Variants in KAZN observed in about 807,000 individuals in gnomAD.
KAZN encodes the protein kazrin, periplakin interacting protein.
Under a neutral mutation model 87.4 loss-of-function variants are expected in KAZN, and 40 were observed. The ratio of observed to expected loss-of-function variants is 0.46; its 90% confidence interval spans 0.36 to 0.60. The LOEUF (loss-of-function observed/expected upper bound fraction) is 0.60, where lower values mean the gene tolerates loss of function less well. Ranked by LOEUF, KAZN falls within the 20% of genes least tolerant of loss-of-function variation. The probability of loss-of-function intolerance (pLI) is 0.00; values close to 1 mark genes in which losing one functional copy is unlikely to be tolerated. For missense variants in KAZN, 898 were observed against 1,073.9 expected, an observed-to-expected ratio of 0.84 and a Z score of 2.29; for synonymous variants, 466 against 458.3, an observed-to-expected ratio of 1.02 and a Z score of -0.22.
intron 2 of KAZN, among the ~76,000 whole-genome samples, chr1:14,195,511 T>TCGCTCA (rs71570187): frequency 6.8e-6 from 1 of 146,090 alleles, no homozygotes; most frequent in Non-Finnish European, 1.5e-5. Context: ...CAAAAACGGC[T>TCGCTCA]CACACACACA....
In KAZN at chr1:14,400,953, T is replaced by C. The variant is rs79411226; in HGVS notation, c.250-198030T>C. 9.6e-3 allele frequency among the ~76,000 whole-genome samples: 1,464 copies of C among 152,354 alleles called. 18 individuals are homozygous for C. The highest frequency in any genetic ancestry group is 0.033 in the African/African-American group (1,380 of 41,584). On this transcript the variant is annotated intron_variant, in intron 2 of 16. Coordinates refer to the KAZN transcript ENST00000636203. Reference sequence around the variant, plus strand: ...AGCAATGATGTTATATAGATATTCATATGACAAATGTGTGCTGGACATCTA... The same window carrying C: ...AGCAATGATGTTATATAGATATTCACATGACAAATGTGTGCTGGACATCTA...
chr1:14,881,071 C>T (rs551633096), intron 1 of KAZN, among the ~76,000 whole-genome samples: 1 of 152,202 alleles, frequency 6.6e-6, no homozygotes, highest in Non-Finnish European at 1.5e-5. Flanking sequence ...GCACAGGATC[C>T]ATTCTTGGAG....
intron 2 of KAZN, among the ~76,000 whole-genome samples, chr1:14,186,724 G>T (rs773177191): frequency 9.2e-5 from 14 of 152,176 alleles, no homozygotes; most frequent in Non-Finnish European, 1.3e-4. Context: ...AAGAGGAGTA[G>T]ATGCTGGCAG....
At chr1:14,123,724 C>T (rs1389500226) in intron 1 of KAZN, among the ~76,000 whole-genome samples, 2 of 152,192 alleles carry the variant, frequency 1.3e-5, no homozygotes, top group African/African-American at 4.8e-5. Context: ...TTCTATTTCT[C>T]TGAGATCAAT....
At chr1:15,041,331 C>CTTTTTTTTTTTTTTTTTTT (rs71000360) in intron 3 of KAZN, among the ~76,000 whole-genome samples, 136 of 114,112 alleles carry the variant, frequency 1.2e-3, no homozygotes, top group African/African-American at 1.6e-3. Context: ...CATTTTTTTT[C>CTTTTTTTTTTTTTTTTTTT]TTTTTTTTTT....
At chr1:14,747,181 A>G (rs569015672) in intron 1 of KAZN, among the ~76,000 whole-genome samples, 1 of 152,332 alleles carries the variant, frequency 6.6e-6, no homozygotes, top group Admixed American at 6.5e-5. Flanking sequence ...CCTTTTGAAG[A>G]CTGAATAATA....
At chr1:14,921,709 G>C (rs1040938195) in intron 1 of KAZN, among the ~76,000 whole-genome samples, 6 of 152,108 alleles carry the variant, frequency 3.9e-5, no homozygotes, top group Non-Finnish European at 8.8e-5. Flanking sequence ...TTTTGTTGTT[G>C]TTCTTGTTTG....
intron 2 of KAZN, among the ~76,000 whole-genome samples, chr1:14,475,636 C>T (rs900292865): frequency 1.3e-5 from 2 of 152,186 alleles, no homozygotes; most frequent in African/African-American, 4.8e-5. Flanking sequence ...GTGTTATAAA[C>T]TATTCAGTAT....
chr1:14,413,615 A>C (rs992158268), intron 2 of KAZN, among the ~76,000 whole-genome samples: 10 of 150,918 alleles, frequency 6.6e-5, no homozygotes, highest in Non-Finnish European at 1.2e-4. Flanking sequence ...AAAAAAAAAA[A>C]AAAACGCATT....
intron 1 of KAZN, among the ~76,000 whole-genome samples, chr1:14,707,429 C>T (rs1348061744): frequency 6.6e-6 from 1 of 152,184 alleles, no homozygotes; most frequent in Non-Finnish European, 1.5e-5. Context: ...TGTCCTGTCC[C>T]GAGAGCTGCA....
At chr1:14,174,924 G>A (rs1030694643) in intron 1 of KAZN, among the ~76,000 whole-genome samples, 1 of 152,106 alleles carries the variant, frequency 6.6e-6, no homozygotes, top group Non-Finnish European at 1.5e-5. Context: ...GCTTGGGCAC[G>A]GTCTAGCTCG....
At chr1:14,129,251 T>A (rs1158875375) in intron 1 of KAZN, among the ~76,000 whole-genome samples, 1 of 152,212 alleles carries the variant, frequency 6.6e-6, no homozygotes, top group Non-Finnish European at 1.5e-5. Flanking sequence ...GGAGGCCAGA[T>A]AATACAGAAG....
At chr1:14,841,689 AC>A (rs1430133062) in intron 1 of KAZN, among the ~76,000 whole-genome samples, 4 of 152,120 alleles carry the variant, frequency 2.6e-5, no homozygotes, top group Non-Finnish European at 5.9e-5. Flanking sequence ...CAACACAGAA[AC>A]CAGCAGATGC....
At chr1:15,103,691 C>T (rs757998367) in intron 12 of KAZN, among the ~76,000 whole-genome samples, 9 of 152,122 alleles carry the variant, frequency 5.9e-5, no homozygotes, top group Admixed American at 1.3e-4. Context: ...AACTGCTTAC[C>T]TTCCAAATAG....
intron 2 of KAZN, among the ~76,000 whole-genome samples, chr1:14,315,776 C>T (rs1164496797): frequency 6.6e-6 from 1 of 151,964 alleles, no homozygotes; most frequent in Non-Finnish European, 1.5e-5. Context: ...AAAGTGTATA[C>T]CATAATTTGT....
At chr1:14,368,962 C>T (rs578111983) in intron 2 of KAZN, among the ~76,000 whole-genome samples, 1 of 152,218 alleles carries the variant, frequency 6.6e-6, no homozygotes, top group African/African-American at 2.4e-5. Flanking sequence ...TGGTCCTGAT[C>T]TTATCCGGGT....
At chr1:14,250,796 A>G (rs899471534) in intron 2 of KAZN, among the ~76,000 whole-genome samples, 1 of 152,106 alleles carries the variant, frequency 6.6e-6, no homozygotes, top group African/African-American at 2.4e-5. Flanking sequence ...AAACATGTCT[A>G]TAAAGGAACT....
At chr1:14,350,584 A>G (rs1449197775) in intron 2 of KAZN, among the ~76,000 whole-genome samples, 2 of 152,216 alleles carry the variant, frequency 1.3e-5, no homozygotes, top group African/African-American at 4.8e-5. Context: ...TCTGGCAAGA[A>G]GAGTTCAGGA....
At chr1:15,044,590 A>G (rs1460945504) in intron 4 of KAZN, among the ~76,000 whole-genome samples, 1 of 151,950 alleles carries the variant, frequency 6.6e-6, no homozygotes, top group Non-Finnish European at 1.5e-5. Flanking sequence ...ATCTCTACCA[A>G]AAAATTAGCC....
Sources: gnomAD v4.1 joint callset for allele counts (sites outside exome capture counted in the v4.1 genomes callset) on GRCh38, gnomAD v4.1.1 for gene constraint, MANE v1.5 for transcripts, NCBI Gene and HGNC (gene_info 2026-07-23, HGNC 2026-07-21) for gene names.